CLASP2: variants seen among roughly 807,000 people sequenced by gnomAD.
CLASP2 encodes the protein cytoplasmic linker associated protein 2, also known as CLIP-associating protein 2.
Under a neutral mutation model 194.4 loss-of-function variants are expected in CLASP2, and 47 were observed. The ratio of observed to expected loss-of-function variants is 0.24; its 90% CI spans 0.19 to 0.31. CLASP2 has a LOEUF of 0.31. Among genes scored for constraint, CLASP2 ranks in the 10% least tolerant of loss-of-function variants. The pLI, the probability that CLASP2 is intolerant of heterozygous loss-of-function variation, is 1.00. For missense variants in CLASP2, 1,445 were observed against 1,823.6 expected (o/e 0.79, Z 3.78); for synonymous variants, 619 against 633.5 (o/e 0.98, Z 0.34).
intron 2 of CLASP2, among the ~76,000 whole-genome samples, chr3:33,695,411 T>C (rs1406857438): frequency 6.6e-6 from 1 of 151,788 alleles, no homozygotes; most frequent in African/African-American, 2.4e-5. Context: ...AAAAAAATCT[T>C]TTCAGAAAAT....
chr3:33,659,954 C>A (rs2085005724), intron 7 of CLASP2, among the ~76,000 whole-genome samples: 1 of 152,222 alleles, frequency 6.6e-6, no homozygotes, highest in Non-Finnish European at 1.5e-5. Flanking sequence ...TTCAAAGCCT[C>A]ATTTCCAGGT....
At chr3:33,507,479 A>G (rs1045265944) in intron 37 of CLASP2, among the ~76,000 whole-genome samples, 6 of 152,124 alleles carry the variant, frequency 3.9e-5, no homozygotes, top group African/African-American at 1.4e-4. Context: ...AGAAAAGAAA[A>G]CTTTTAATTT....
At chr3:33,577,141 C>A in intron 23 of CLASP2, 2 of 1,198,172 alleles carry the variant, frequency 1.7e-6, no homozygotes, top group East Asian at 2.4e-5. Flanking sequence ...TTAATGGAAA[C>A]TGAAAAGGAT....
chr3:33,644,807 G>A lies in CLASP2; in HGVS notation c.812C>T (p.Pro271Leu), dbSNP rs1316940201. Reference protein sequence around the residue: ...KVPAPKTSGNPANSARKPGSA... With the variant: ...KVPAPKTSGNLANSARKPGSA... ...ACCAGGCTTCCTTGCACTGTTGGCA[G>A]GATTTCCGGATGTTTTAGGTGCAGG... Residue 271 changes from proline to leucine, a missense_variant, in exon 8 of 39, where the codon CCT (proline) becomes CTT (leucine). Around this residue, in one of 4 missense-constraint regions of CLASP2, gnomAD observed 207 missense variants for 331.4 expected, o/e 0.62. Coordinates refer to ENST00000682230, the MANE Select transcript of CLASP2 (RefSeq NM_001365631.1). The A allele has an allele frequency of 1.2e-6, 2 of 1,613,132 alleles. No individual in the cohort carries two copies. The highest frequency in any genetic ancestry group is 1.3e-5 in the African/African-American group (1 of 74,922).
At chr3:33,532,107 C>A (rs1167290221) in intron 34 of CLASP2, among the ~76,000 whole-genome samples, 1 of 152,192 alleles carries the variant, frequency 6.6e-6, no homozygotes, top group Non-Finnish European at 1.5e-5. Context: ...ACAGCCAAAA[C>A]TTGGAAGCAA....
intron 34 of CLASP2, among the ~76,000 whole-genome samples, chr3:33,526,791 C>T (rs1370019322): frequency 1.3e-5 from 2 of 152,058 alleles, no homozygotes; most frequent in African/African-American, 2.4e-5. Flanking sequence ...GCTTGGACCA[C>T]AGCACAATAA....
intron 30 of CLASP2, among the ~76,000 whole-genome samples, chr3:33,547,216 TG>T (rs959925657): frequency 4.6e-5 from 7 of 152,134 alleles, no homozygotes; most frequent in African/African-American, 1.7e-4. Flanking sequence ...AACTGAATCA[TG>T]GGGGTGGTTT....
chr3:33,600,081 A>T (rs540839082), intron 18 of CLASP2, among the ~76,000 whole-genome samples: 1 of 151,328 alleles, frequency 6.6e-6, no homozygotes, highest in African/African-American at 2.4e-5. Flanking sequence ...TCATATATAT[A>T]TTTTTTTTGT....
At chr3:33,599,946 GAAC>G (rs752435356) in intron 18 of CLASP2, among the ~76,000 whole-genome samples, 3 of 152,044 alleles carry the variant, frequency 2.0e-5, no homozygotes, top group Non-Finnish European at 4.4e-5. Flanking sequence ...AAACCTTAAA[GAAC>G]AACAATAGGT....
chr3:33,507,948 G>A (rs113951797), intron 37 of CLASP2, among the ~76,000 whole-genome samples: 1 of 150,984 alleles, frequency 6.6e-6, no homozygotes, highest in East Asian at 1.9e-4. Context: ...TTGTTTCAAT[G>A]AGGCCAAATA....
intron 1 of CLASP2, among the ~76,000 whole-genome samples, chr3:33,707,860 T>TTTA (rs1559700125): frequency 6.6e-6 from 1 of 152,112 alleles, no homozygotes; most frequent in East Asian, 1.9e-4. Flanking sequence ...GGGGAAACAT[T>TTTA]AAAAGAGACT....
rs769053975 is a variant in CLASP2 at position 33,535,239 on chromosome 3, G to A, written c.3781C>T (p.Pro1261Ser). The A allele has an allele frequency of 3.7e-6, 6 of 1,612,278 alleles. No individual in the cohort carries two copies. Among genetic ancestry groups the A allele is most frequent in the South Asian group, 2.2e-5 (2 of 90,984 alleles). Reference sequence around the variant, plus strand: ...AGTGTGACCCAGAACATACCGTCAGGAAACTGGTCAGCATCATCATCAAAC... The same window carrying A: ...AGTGTGACCCAGAACATACCGTCAGAAAACTGGTCAGCATCATCATCAAAC... ...AMFDDDADQFPDDLSLDHSDL... is the reference protein window; with the variant it reads ...AMFDDDADQFSDDLSLDHSDL... The change falls in exon 34 of 39, where the codon CCT (proline) becomes TCT (serine). Residue 1261 changes from proline (P) to serine (S), a missense_variant. Around this residue, in one of 4 missense-constraint regions of CLASP2, gnomAD observed 732 missense variants for 987.9 expected, o/e 0.74. Transcript: ENST00000682230.
chr3:33,680,206 G>C (rs1287402791), intron 6 of CLASP2, among the ~76,000 whole-genome samples: 1 of 151,956 alleles, frequency 6.6e-6, no homozygotes, highest in Non-Finnish European at 1.5e-5. Context: ...CCAGAGGGAG[G>C]GATAAACAGA....
intron 16 of CLASP2, 111 bp from the exon 17 acceptor site, chr3:33,604,320 C>CTTT (rs199958865): frequency 1.1e-4 from 61 of 572,606 alleles, no homozygotes; most frequent in African/African-American, 6.4e-4. Flanking sequence ...TTTCTTTTTT[C>CTTT]TTTTTTTTTT....
At chr3:33,596,795 T>A in intron 18 of CLASP2, 61 bp from the exon 19 acceptor site, 1 of 1,298,222 alleles carries the variant, frequency 7.7e-7, no homozygotes, top group East Asian at 2.5e-5. Flanking sequence ...GAAATGATTT[T>A]TATAATTCCT....
At chr3:33,708,506 GTATATATA>G (rs200209597) in intron 1 of CLASP2, among the ~76,000 whole-genome samples, 3 of 58,520 alleles carry the variant, frequency 5.1e-5, no homozygotes, top group Admixed American at 2.4e-4. Context: ...ATATATATAT[GTATATATA>G]TGTATATATG....
At chr3:33,569,003 C>T (rs1297022536) in intron 26 of CLASP2, among the ~76,000 whole-genome samples, 2 of 152,134 alleles carry the variant, frequency 1.3e-5, no homozygotes, top group Non-Finnish European at 2.9e-5. Flanking sequence ...AATGGCCACA[C>T]AAAAATCAGA....
intron 11 of CLASP2, 118 bp from the exon 12 acceptor site, chr3:33,619,856 G>T: frequency 1.2e-6 from 1 of 816,536 alleles, no homozygotes; most frequent in Non-Finnish European, 1.7e-6. Context: ...TTAATCAGTT[G>T]TAATGGCAGA....
At chr3:33,707,488 A>C (rs1415597977) in intron 1 of CLASP2, among the ~76,000 whole-genome samples, 1 of 152,212 alleles carries the variant, frequency 6.6e-6, no homozygotes, top group Non-Finnish European at 1.5e-5. Flanking sequence ...TAAATGAAGA[A>C]ATAACAGAAT....
Sources: allele counts gnomAD v4.1 joint callset (sites outside exome capture counted in the v4.1 genomes callset), GRCh38; gene constraint gnomAD v4.1.1; regional missense constraint gnomAD v4.1.1; transcripts MANE v1.5; gene names NCBI Gene and HGNC (gene_info 2026-07-23, HGNC 2026-07-21).